HSP90B1: variants seen among roughly 807,000 people sequenced by gnomAD.
HSP90B1 encodes heat shock protein 90 beta family member 1.
A neutral mutation model predicts 100.4 loss-of-function variants in HSP90B1; 27 were observed. The observed-to-expected ratio is 0.27, with a 90% confidence interval of 0.20 to 0.37. HSP90B1 has a LOEUF of 0.37. HSP90B1 is among the 10% of genes least tolerant of loss of function. The pLI, the probability that HSP90B1 is intolerant of heterozygous loss-of-function variation, is 1.00. For missense variants in HSP90B1, 678 were observed against 960.5 expected, an observed-to-expected ratio of 0.71 and a Z score of 3.89; for synonymous variants, 304 against 330.8, an observed-to-expected ratio of 0.92 and a Z score of 0.88.
At chr12:103,933,368 C>T (rs1323000168) in intron 4 of HSP90B1, among the ~76,000 whole-genome samples, 2 of 152,242 alleles carry the variant, frequency 1.3e-5, no homozygotes, top group Non-Finnish European at 2.9e-5. Flanking sequence ...GAGTGTGTAG[C>T]CGGTTGCCAT....
chr12:103,937,587 A>T (rs1477786832), intron 5 of HSP90B1, 108 bp from the exon 6 acceptor site: 2 of 656,852 alleles, frequency 3.0e-6, no homozygotes, highest in Non-Finnish European at 5.5e-6. Flanking sequence ...AATAATTAGG[A>T]CATCTTGGAT....
At chr12:103,947,530 CAGACTG>C in intron 17 of HSP90B1, 97 bp from the exon 18 acceptor site, 2 of 1,591,990 alleles carry the variant, frequency 1.3e-6, no homozygotes, top group Non-Finnish European at 1.7e-6. Context: ...TTACAGAAGT[CAGACTG>C]AGCATTTAAA....
chr12:103,943,696 C>T lies in HSP90B1; in HGVS notation c.1891-42C>T, dbSNP rs1475080627. 6.3e-7 allele frequency: 1 copy of T among 1,585,234 alleles called. No individual in the cohort carries two copies. Among genetic ancestry groups the T allele is most frequent in the Non-Finnish European group, 8.6e-7 (1 of 1,161,856 alleles). ...GAAAGACAATTGCTCAATGACCTTA[C>T]CTGTTGATATTAATTTATATGACTT... On this transcript the variant is annotated intron_variant, in intron 13 of 17. Transcript: ENST00000299767. The surrounding 1 kb of genome is among the most constrained non-coding windows in gnomAD (Gnocchi z 5.3).
At position 103,943,911 on chromosome 12, in the gene HSP90B1, C is replaced by A. The variant is rs940097823; in HGVS notation, c.2027+37C>A. 6.3e-7 allele frequency: 1 copy of A among 1,580,008 alleles called. No homozygotes were observed. Among genetic ancestry groups the A allele is most frequent in the African/African-American group, 1.4e-5 (1 of 73,710 alleles). ...CGGGAAAGTCCCTGCCAGGGCGTTG[C>A]CCCTTACCCAATCTTTGTTTTGGAG... On this transcript the variant is annotated intron_variant, in intron 14 of 17. Transcript: ENST00000299767. This position sits in a 1 kb window ranked among gnomAD's most constrained non-coding sequence, Gnocchi z 5.3.
intron 5 of HSP90B1, among the ~76,000 whole-genome samples, chr12:103,936,015 T>A (rs1436788298): frequency 6.6e-6 from 1 of 152,250 alleles, no homozygotes. Flanking sequence ...CATGCATATC[T>A]TTTTAAAAAT....
chr12:103,938,714 AT>A (rs1869992415), intron 7 of HSP90B1: 1 of 202,408 alleles, frequency 4.9e-6, no homozygotes, highest in Non-Finnish European at 9.9e-6. Flanking sequence ...GGTGGCTTAT[AT>A]GTTTGGAATT....
In HSP90B1 at chr12:103,946,767, G is replaced by C; in HGVS notation, c.2107-19G>C. The C allele has an allele frequency of 6.2e-7, 1 of 1,613,430 alleles. No homozygotes were observed. Among genetic ancestry groups the C allele is most frequent in the Non-Finnish European group, 8.5e-7 (1 of 1,179,606 alleles). ...TTGTATCTTTTAATATTAATCTAGT[G>C]CATCTTCTTGCATTTCAGGAAGATG... On this transcript the variant is annotated intron_variant, in intron 15 of 17. Transcript: ENST00000299767.
Position 103,934,018 on chromosome 12 carries a change from G to C in HSP90B1, c.474G>C (p.Glu158Asp). 1 of 1,614,220 alleles carries C rather than the reference G, an allele frequency of 6.2e-7. No homozygotes were observed. Among genetic ancestry groups the C allele is most frequent in the Non-Finnish European group, 8.5e-7 (1 of 1,180,030 alleles). The part of the protein sequence containing the change: ...TDTGVGMTRE[E>D]LVKNLGTIAK... ...CCGGTGTAGGAATGACCAGAGAAGAGTTGGTTAAAAACCTTGGTACCATAG... is the reference window on the plus strand; with the variant it reads ...CCGGTGTAGGAATGACCAGAGAAGACTTGGTTAAAAACCTTGGTACCATAG... The change falls in exon 5 of 18, where the codon GAG (glutamate) becomes GAC (aspartate). Residue 158 changes from glutamate to aspartate, a missense_variant. Physicochemically the swap from Glu to Asp is conservative, Grantham distance 45. Coordinates refer to ENST00000299767, the MANE Select transcript of HSP90B1 (RefSeq NM_003299.3).
At position 103,930,611 on chromosome 12, in the gene HSP90B1, C is replaced by T. The variant is rs1243307517; in HGVS notation, c.49+47C>T. On this transcript the variant is annotated intron_variant, in intron 1 of 17. Coordinates refer to ENST00000299767, the MANE Select transcript of HSP90B1 (RefSeq NM_003299.3). The surrounding 1 kb of genome is among the most constrained non-coding windows in gnomAD (Gnocchi z 4.4). The stretch of plus-strand genomic sequence containing the variant: ...GACGTCCCCCCTCCACACACGCGGC[C>T]GCTTCTCGAAGGTCCTGGGGGCGTT... 1.9e-6 allele frequency: 3 copies of T among 1,569,682 alleles called. No homozygotes were observed. Among genetic ancestry groups the T allele is most frequent in the Non-Finnish European group, 2.6e-6 (3 of 1,156,736 alleles).
At chr12:103,933,467 T>A (rs1343511365) in intron 4 of HSP90B1, among the ~76,000 whole-genome samples, 1 of 152,270 alleles carries the variant, frequency 6.6e-6, no homozygotes, top group Admixed American at 6.5e-5. Context: ...CATTGGCCAT[T>A]TATAACTCAT....
At chr12:103,932,166 A>T (rs1364729769) in intron 2 of HSP90B1, 111 bp from the exon 3 acceptor site, 2 of 830,362 alleles carry the variant, frequency 2.4e-6, no homozygotes, top group Non-Finnish European at 3.7e-6. Flanking sequence ...AAAGGTTTCC[A>T]TTTTAACCCC....
In HSP90B1 at chr12:103,947,296, A is replaced by T; in HGVS notation, c.2263-15A>T. ...AAATCCAAGGCATTAATGGGCCCAT[A>T]AATGTTGTGTTTAGGTGGAAGAAGA... On this transcript the variant is annotated splice_polypyrimidine_tract_variant and intron_variant, in intron 16 of 17. Transcript: ENST00000299767. The T allele has an allele frequency of 6.3e-7, 1 of 1,575,138 alleles. No individual in the cohort carries two copies. The highest frequency in any genetic ancestry group is 8.6e-7 in the Non-Finnish European group (1 of 1,166,854).
intron 14 of HSP90B1, among the ~76,000 whole-genome samples, chr12:103,944,797 G>A (rs573213842): frequency 9.2e-5 from 14 of 152,252 alleles, no homozygotes; most frequent in Non-Finnish European, 2.1e-4. Context: ...CTCATGATCC[G>A]CCCTCTGCGG....
In HSP90B1 at chr12:103,946,548, A is replaced by G. The variant is rs899378723; in HGVS notation, c.2028-70A>G. On this transcript the variant is annotated intron_variant, in intron 14 of 17. Transcript: ENST00000299767. ...AAGAGTTGTTCTGTGTAATTATGAA[A>G]GAATAAGGGAAACGTATGAACCCTA... is the stretch of plus-strand genomic sequence containing the variant. The G allele has an allele frequency of 7.2e-6, 8 of 1,116,354 alleles. No homozygotes were observed. The African/African-American group carries it at 1.1e-4, about 15-fold the overall frequency. 69.2% of individuals were successfully genotyped at this position (1,116,354 alleles called of 1,614,324 possible).
Position 103,947,424 on chromosome 12 carries a change from A to G in HSP90B1, c.2376A>G (p.Thr792=). Residue 792 remains threonine (T), a synonymous_variant, in exon 17 of 18, where the codon ACA becomes ACG. Coordinates refer to ENST00000299767, the MANE Select transcript of HSP90B1 (RefSeq NM_003299.3). ...MDVGTDEEEE[T]AKESTAEKDE... is the part of the protein sequence containing the mutation. ...TGGGAACAGATGAAGAAGAAGAAAC[A>G]GCAAAGGTATGGCAAATCAAGAATG... 6.2e-7 allele frequency: 1 copy of G among 1,614,124 alleles called. No individual in the cohort carries two copies. The highest frequency in any genetic ancestry group is 8.5e-7 in the Non-Finnish European group (1 of 1,179,964).
intron 4 of HSP90B1, among the ~76,000 whole-genome samples, chr12:103,933,524 A>G (rs565409509): frequency 6.6e-6 from 1 of 152,402 alleles, no homozygotes; most frequent in South Asian, 2.1e-4. Flanking sequence ...AATGGAAAGT[A>G]GAGTACTCCT....
intron 11 of HSP90B1, 119 bp from the exon 12 acceptor site, chr12:103,942,408 C>A: frequency 1.1e-6 from 1 of 893,702 alleles, no homozygotes; most frequent in Non-Finnish European, 1.7e-6. Context: ...TTTCCTGCCC[C>A]TCAATAAATG....
At chr12:103,938,622 A>C (rs1056167440) in intron 7 of HSP90B1, among the ~76,000 whole-genome samples, 163 bp downstream of exon 7, 2 of 152,366 alleles carry the variant, frequency 1.3e-5, no homozygotes, top group African/African-American at 4.8e-5. Flanking sequence ...TGTTGAATAC[A>C]TTGTCCTGTA....
At chr12:103,941,248 T>TC (rs1326996480) in intron 8 of HSP90B1, among the ~76,000 whole-genome samples, 162 bp from the exon 9 acceptor site, 6 of 151,914 alleles carry the variant, frequency 3.9e-5, no homozygotes, top group Non-Finnish European at 1.5e-5. Context: ...TTCTTTCTCT[T>TC]CCCCCCACCC....
Sources: allele counts gnomAD v4.1 joint callset (sites outside exome capture counted in the v4.1 genomes callset), GRCh38; gene constraint gnomAD v4.1.1; non-coding constraint Gnocchi (gnomAD v3.1); transcripts MANE v1.5; gene names NCBI Gene and HGNC (gene_info 2026-07-23, HGNC 2026-07-21).